The following POU2F2 variants were observed in gnomAD, a reference collection of about 807,000 sequenced individuals.
POU2F2 encodes POU class 2 homeobox 2, also known as POU domain, class 2, transcription factor 2.
POU2F2 carries 14 observed loss-of-function variants against 63.5 expected under a neutral mutation model. That is an observed-to-expected ratio of 0.22 (90% CI 0.15 to 0.34). POU2F2 has a LOEUF of 0.34. Among genes scored for constraint, POU2F2 ranks in the 10% least tolerant of loss-of-function variants. The pLI is 1.00. For synonymous variants in POU2F2, 306 were observed against 348.6 expected (o/e 0.88, Z 1.36); for missense variants, 607 against 815.2 (o/e 0.74, Z 3.11).
At chr19:42,182,050 G>T (rs1218720366) in intron 1 of POU2F2, among the ~76,000 whole-genome samples, 1 of 152,064 alleles carries the variant, frequency 6.6e-6, no homozygotes, top group Admixed American at 6.6e-5. Context: ...GGAAACGAAG[G>T]CACACAAAGC....
At chr19:42,188,669 CAA>C (rs998040622) in intron 1 of POU2F2, among the ~76,000 whole-genome samples, 9 of 38,162 alleles carry the variant, frequency 2.4e-4, no homozygotes, top group Admixed American at 6.4e-4. Flanking sequence ...GAGTTCATCT[CAA>C]AAAAAAAAAA....
At chr19:42,164,251 C>T (rs1334850363) in intron 1 of POU2F2, among the ~76,000 whole-genome samples, 1 of 149,382 alleles carries the variant, frequency 6.7e-6, no homozygotes, top group East Asian at 2.0e-4. Context: ...GAGATTGCGC[C>T]ACTGCACTCC....
At chr19:42,151,653 G>A (rs2034354678) in intron 2 of POU2F2, among the ~76,000 whole-genome samples, 1 of 152,188 alleles carries the variant, frequency 6.6e-6, no homozygotes, top group South Asian at 2.1e-4. Flanking sequence ...GAGGGGAGAC[G>A]GCCCAGGCCC....
intron 1 of POU2F2, among the ~76,000 whole-genome samples, chr19:42,188,904 AG>A (rs2035044832): frequency 5.2e-5 from 1 of 19,414 alleles, no homozygotes; most frequent in Non-Finnish European, 1.5e-4. Flanking sequence ...GGAAGAGAAG[AG>A]AGGAAGGAAG....
intron 1 of POU2F2, among the ~76,000 whole-genome samples, chr19:42,185,774 G>A (rs74730154): frequency 1.3e-5 from 2 of 152,154 alleles, no homozygotes; most frequent in East Asian, 3.8e-4. Flanking sequence ...GGACACAAAG[G>A]GGAATAGGAC....
At position 42,096,388 on chromosome 19, in the gene POU2F2, C is replaced by T. The variant is rs113522856; in HGVS notation, c.568-145G>A. 4.2e-3 allele frequency: 3,548 copies of T among 853,750 alleles called. 104 individuals carry two copies. The African/African-American group carries it at 0.054, about 13-fold the overall frequency. The allele number at this position is 853,750 out of a possible 1,614,324, so 52.9% of individuals were successfully genotyped here. On this transcript the variant is annotated intron_variant, in intron 7 of 14. Coordinates refer to ENST00000692977, the MANE Select transcript of POU2F2 (RefSeq NM_001394376.1). This position sits in a 1 kb window ranked among gnomAD's most constrained non-coding sequence, Gnocchi z 4.1. ...TCCCCCCGCCTTCCTCCACAAGCAC[C>T]GTCAATCCCTTTAAAGGTCCCTCCA...
intron 2 of POU2F2, among the ~76,000 whole-genome samples, chr19:42,160,167 G>A (rs2034527351): frequency 6.6e-6 from 1 of 152,128 alleles, no homozygotes; most frequent in African/African-American, 2.4e-5. Flanking sequence ...AGGATGCATG[G>A]AGGGTGAGAA....
chr19:42,129,363 C>T lies in POU2F2; in HGVS notation c.28+3021G>A, dbSNP rs570565079. On this transcript the variant is annotated intron_variant, in intron 1 of 14. Transcript: ENST00000692977. ...TCCCACCTTCCTCAGGTCAGACACC[C>T]CTCAACCAGGGCTGCCCAGCCCTGA... Among the ~76,000 whole-genome samples the T allele has an allele frequency of 3.3e-5, 5 of 152,266 alleles. No individual in the cohort carries two copies. The East Asian group carries it at 9.7e-4, about 29-fold the overall frequency.
At chr19:42,106,860 A>G (rs1157446145) in intron 5 of POU2F2, among the ~76,000 whole-genome samples, 2 of 149,962 alleles carry the variant, frequency 1.3e-5, no homozygotes, top group African/African-American at 4.9e-5. Flanking sequence ...GGAGAAGGAG[A>G]AGGAGGAGAA....
chr19:42,107,809 A>G lies in POU2F2; in HGVS notation c.370-7988T>C, dbSNP rs1341606677. On this transcript the variant is annotated intron_variant, in intron 5 of 14. Coordinates refer to ENST00000692977, the MANE Select transcript of POU2F2 (RefSeq NM_001394376.1). Reference sequence around the variant, plus strand: ...CATAAGGCCTCTACTGATTTTCATCACATTTGTGGTATAATCCAGATCCAG... The same window carrying G: ...CATAAGGCCTCTACTGATTTTCATCGCATTTGTGGTATAATCCAGATCCAG... Among the ~76,000 whole-genome samples the G allele has an allele frequency of 2.6e-5, 4 of 152,156 alleles. No individual in the cohort carries two copies. The East Asian group carries it at 7.7e-4, about 29-fold the overall frequency.
In POU2F2 at chr19:42,091,602, G is replaced by A; in HGVS notation, c.1541-11C>T. The A allele has an allele frequency of 1.3e-6, 2 of 1,543,148 alleles. No individual in the cohort carries two copies. Among genetic ancestry groups the A allele is most frequent in the Non-Finnish European group, 1.8e-6 (2 of 1,141,562 alleles). On this transcript the variant is annotated splice_polypyrimidine_tract_variant and intron_variant, in intron 14 of 14. Coordinates refer to ENST00000692977, the MANE Select transcript of POU2F2 (RefSeq NM_001394376.1). ...CACCAGAGGCCAGGGCTGGCGGGGA[G>A]AGAGAGAGGCTGGGCTAAGGGCATG...
chr19:42,159,469 G>A (rs1251497052), intron 2 of POU2F2, among the ~76,000 whole-genome samples: 2 of 152,148 alleles, frequency 1.3e-5, no homozygotes, highest in Non-Finnish European at 2.9e-5. Flanking sequence ...GGGGTCCTGA[G>A]ACCTGTGGGT....
intron 1 of POU2F2, among the ~76,000 whole-genome samples, chr19:42,124,710 T>C (rs2033026616): frequency 6.6e-6 from 1 of 152,212 alleles, no homozygotes; most frequent in Admixed American, 6.5e-5. Flanking sequence ...GGTATGTCCA[T>C]ACAATGAAAT....
chr19:42,192,647 T>G (rs1327561638), intron 1 of POU2F2, among the ~76,000 whole-genome samples: 2 of 152,198 alleles, frequency 1.3e-5, no homozygotes, highest in Non-Finnish European at 2.9e-5. Context: ...CCTTCATACA[T>G]GCTATTCCAT....
In POU2F2 at chr19:42,184,023, AG is replaced by A. The variant is rs2034989710; in HGVS notation, c.-70+12359del. Among the ~76,000 whole-genome samples the A allele has an allele frequency of 2.2e-5, 3 of 139,354 alleles. No individual in the cohort carries two copies. The South Asian group carries it at 6.9e-4, about 32-fold the overall frequency. 91.4% of individuals were successfully genotyped at this position (139,354 alleles called of 152,430 possible). A position where few individuals can be genotyped will look rare whatever the true frequency, so the allele number is the denominator to read the frequency against. Reference sequence around the variant, plus strand: ...TTTTTTTTTTTTTTTTTTTTGAGACAGGGTCTCTCTCCTCCCTCTGTCATCC... The same window carrying A: ...TTTTTTTTTTTTTTTTTTTTGAGACAGGTCTCTCTCCTCCCTCTGTCATCC... On this transcript the variant is annotated intron_variant, in intron 1 of 5. Coordinates refer to the POU2F2 transcript ENST00000532176.
chr19:42,122,616 G>T lies in POU2F2; in HGVS notation c.29-40C>A, dbSNP rs765208233. 26 of 1,477,314 alleles carry T rather than the reference G, an allele frequency of 1.8e-5. No individual in the cohort carries two copies. The Middle Eastern group carries it at 6.5e-4, about 37-fold the overall frequency. The allele number at this position is 1,477,314 out of a possible 1,614,324, so 91.5% of individuals were successfully genotyped here. A position where few individuals can be genotyped will look rare whatever the true frequency, so the allele number is the denominator to read the frequency against. On this transcript the variant is annotated intron_variant, in intron 1 of 14. Transcript: ENST00000692977. Reference sequence around the variant, plus strand: ...GGAATGGAAGTGGGGTGAAGGAGGGGAATCCAGGAGGGCTCTCGGGCCCCC... The same window carrying T: ...GGAATGGAAGTGGGGTGAAGGAGGGTAATCCAGGAGGGCTCTCGGGCCCCC...
At chr19:42,112,905 C>T (rs892771983) in intron 5 of POU2F2, among the ~76,000 whole-genome samples, 3 of 152,174 alleles carry the variant, frequency 2.0e-5, no homozygotes, top group African/African-American at 7.2e-5. Flanking sequence ...GCGGCTACAG[C>T]CTGCCCTGTT....
At position 42,097,878 on chromosome 19, in the gene POU2F2, C is replaced by T. The variant is rs78808994; in HGVS notation, c.568-1635G>A. ...ACAAATGTATTGTGTAGTGATGAAGCGTAGGCTTTTAGTGTATCCATCACC... is the reference window on the plus strand; with the variant it reads ...ACAAATGTATTGTGTAGTGATGAAGTGTAGGCTTTTAGTGTATCCATCACC... On this transcript the variant is annotated intron_variant, in intron 7 of 14. Transcript: ENST00000692977. Among the ~76,000 whole-genome samples, 231 of 152,290 alleles carry T rather than the reference C, an allele frequency of 1.5e-3. No homozygotes were observed. In the East Asian group the frequency reaches 0.035, roughly 23 times the overall value.
rs2034716401 is a variant in POU2F2 at position 42,169,534 on chromosome 19, T to C, written c.-70+6429A>G. ...GTGCATCTGCAGGGTTTAGCATCTA[T>C]GAATTTTCTTAGGGAATCTCTGACC... On this transcript the variant is annotated intron_variant, in intron 1 of 6. Coordinates refer to the POU2F2 transcript ENST00000524801. The surrounding 1 kb of genome is among the most constrained non-coding windows in gnomAD (Gnocchi z 4.3). Among the ~76,000 whole-genome samples the C allele has an allele frequency of 6.6e-6, 1 of 152,230 alleles. No individual in the cohort carries two copies. Among genetic ancestry groups the C allele is most frequent in the Admixed American group, 6.5e-5 (1 of 15,292 alleles).
Sources: gnomAD v4.1 joint callset for allele counts (sites outside exome capture counted in the v4.1 genomes callset) on GRCh38, gnomAD v4.1.1 for gene constraint, Gnocchi (gnomAD v3.1) non-coding constraint, MANE v1.5 for transcripts, NCBI Gene and HGNC (gene_info 2026-07-23, HGNC 2026-07-21) for gene names.